MXRA5: variants seen among roughly 807,000 people sequenced by gnomAD.
MXRA5 encodes matrix-remodeling-associated protein 5.
In MXRA5, 41 loss-of-function variants were observed where a neutral mutation model predicts 112.5. The ratio of observed to expected loss-of-function variants is 0.36; its 90% CI spans 0.28 to 0.47. MXRA5 has a LOEUF of 0.47. Ranked by LOEUF, MXRA5 falls within the 20% of genes least tolerant of loss-of-function variation. MXRA5 has a pLI of 0.99. For synonymous variants in MXRA5, 862 were observed against 900.8 expected (o/e 0.96, Z 0.77); for missense variants, 2,150 against 2,251.0 (o/e 0.96, Z 0.91).
Position 3,310,107 on chromosome X carries a change from C to T in MXRA5, c.8096G>A (p.Arg2699His), listed in dbSNP as rs1304167780. The T allele has an allele frequency of 2.7e-5, 33 of 1,209,543 alleles. No homozygotes were observed. The highest frequency in any genetic ancestry group is 3.5e-5 in the African/African-American group (2 of 57,032). Reference sequence around the variant, plus strand: ...ACCCCTGTCAAACACCGAGGCCTCACGAACCGTGAGGGTGCCATTGTCCAG... The same window carrying T: ...ACCCCTGTCAAACACCGAGGCCTCATGAACCGTGAGGGTGCCATTGTCCAG... ...SLLDNGTLTVREASVFDRGTY... is the reference protein window; with the variant it reads ...SLLDNGTLTVHEASVFDRGTY... The change falls in exon 7 of 7, where the codon CGT (arginine) becomes CAT (histidine). Residue 2699 changes from arginine (R) to histidine (H), a missense_variant. Physicochemically the swap from Arg to His is conservative, Grantham distance 29. Transcript: ENST00000217939.
chrX:3,336,653 T>C (rs1264847904), intron 2 of MXRA5, among the ~76,000 whole-genome samples: 3 of 112,182 alleles, frequency 2.7e-5, no homozygotes, highest in African/African-American at 9.7e-5. Context: ...ATGTACTAAA[T>C]GGCACTGAAT....
At position 3,321,402 on chromosome X, in the gene MXRA5, A is replaced by C. The variant is rs1487717782; in HGVS notation, c.4283T>G (p.Val1428Gly). Reference sequence around the variant, plus strand: ...TTCTTCCTGGTGAAATGGTGTGGAGACTGTCAAAGAGGACAAAAACTCGGA... The same window carrying C: ...TTCTTCCTGGTGAAATGGTGTGGAGCCTGTCAAAGAGGACAAAAACTCGGA... ...FTSEFLSSLT[V>G]STPFHQEEAG... The change falls in exon 5 of 7, where the codon GTC (valine) becomes GGC (glycine). Residue 1428 changes from valine (V) to glycine (G), a missense_variant. Physicochemically the swap from Val to Gly is moderately radical, Grantham distance 109 (BLOSUM62 -3). Transcript: ENST00000217939. 1 of 1,211,629 alleles carries C rather than the reference A, an allele frequency of 8.3e-7. No homozygotes were observed. Among genetic ancestry groups the C allele is most frequent in the Non-Finnish European group, 1.1e-6 (1 of 895,469 alleles).
chrX:3,321,155 C>A lies in MXRA5; in HGVS notation c.4530G>T (p.Lys1510Asn), dbSNP rs192359166. ...ATATTCTTGGACTGGGAAGTGCTGG[C>A]TTAGTGGTGGTGGTTTGTCCCAAAG... The part of the protein sequence containing the change: ...LMSLGQTTTT[K>N]PALPSPRISQ... The change falls in exon 5 of 7, where the codon AAG (lysine) becomes AAT (asparagine). Residue 1510 changes from lysine (K) to asparagine (N), a missense_variant. Physicochemically the swap from Lys to Asn is moderately conservative, Grantham distance 94 (BLOSUM62 0). Coordinates refer to ENST00000217939, the MANE Select transcript of MXRA5 (RefSeq NM_015419.4). The A allele has an allele frequency of 8.3e-7, 1 of 1,210,052 alleles. No homozygotes were observed. Among genetic ancestry groups the A allele is most frequent in the African/African-American group, 1.7e-5 (1 of 57,208 alleles).
chrX:3,332,954 T>C (rs1018758359), intron 2 of MXRA5, among the ~76,000 whole-genome samples: 3 of 110,990 alleles, frequency 2.7e-5, no homozygotes, highest in Non-Finnish European at 3.8e-5. Context: ...TTTTGCCCTT[T>C]ATCACCTAAA....
At chrX:3,339,245 T>TTTGTTG (rs370882813) in intron 2 of MXRA5, among the ~76,000 whole-genome samples, 2 of 109,414 alleles carry the variant, frequency 1.8e-5, no homozygotes, top group African/African-American at 6.7e-5. Flanking sequence ...CCCTGCTTGT[T>TTTGTTG]TTGTTGTTGT....
intron 5 of MXRA5, among the ~76,000 whole-genome samples, chrX:3,318,851 T>C (rs1921220571): frequency 1.3e-5 from 1 of 79,001 alleles, no homozygotes; most frequent in Admixed American, 1.5e-4. Context: ...TGCCATTCTG[T>C]CTTTTCTTTT....
intron 4 of MXRA5, among the ~76,000 whole-genome samples, chrX:3,329,807 T>A (rs1169744365): frequency 1.8e-5 from 2 of 112,004 alleles, no homozygotes. Flanking sequence ...CACTAAGGGA[T>A]AACTGCCTTT....
At position 3,317,842 on chromosome X, in the gene MXRA5, C is replaced by T. The variant is rs1885356228; in HGVS notation, c.5839G>A (p.Val1947Met). 2 of 1,211,252 alleles carry T rather than the reference C, an allele frequency of 1.7e-6. No individual in the cohort carries two copies. The highest frequency in any genetic ancestry group is 1.8e-5 in the South Asian group (1 of 56,933). The change falls in exon 6 of 7, where the codon GTG (valine) becomes ATG (methionine). Residue 1947 changes from valine (V) to methionine (M), a missense_variant. By Grantham distance (21) the Val-to-Met change is conservative (BLOSUM62 1). This residue lies in a region of MXRA5 where 1,485 missense variants were observed against 1,471.6 expected (regional missense o/e 1.01). Coordinates refer to ENST00000217939, the MANE Select transcript of MXRA5 (RefSeq NM_015419.4). ...GAGGCTAGGATTTGAGGTTGCTGCA[C>T]GGTGACCGAAAGCAAGACCACCATC... is the stretch of plus-strand genomic sequence containing the variant. The part of the protein sequence containing the change: ...DRMVVLLSVT[V>M]QQPQILASHY...
intron 4 of MXRA5, among the ~76,000 whole-genome samples, chrX:3,329,316 AAAAG>A (rs1921596341): frequency 1.6e-5 from 1 of 63,164 alleles, no homozygotes. Flanking sequence ...AAGGAAGGAA[AAAAG>A]AAGGAAGGAA....
At position 3,323,450 on chromosome X, in the gene MXRA5, T is replaced by C. The variant is rs764366585; in HGVS notation, c.2235A>G (p.Lys745=). The C allele has an allele frequency of 1.7e-6, 2 of 1,211,652 alleles. No homozygotes were observed. Among genetic ancestry groups the C allele is most frequent in the Admixed American group, 4.3e-5 (2 of 46,008 alleles). Residue 745 remains lysine (K), a synonymous_variant, in exon 5 of 7, where the codon AAA becomes AAG. Transcript: ENST00000217939. ...KKAKKGRRKL[K]LWKHSEKEPE... ...GTTCTTTTTCCGAATGCTTCCAGAGTTTCAGCTTTCTTCTCCCTTTCTTGG... is the reference window on the plus strand; with the variant it reads ...GTTCTTTTTCCGAATGCTTCCAGAGCTTCAGCTTTCTTCTCCCTTTCTTGG...
At position 3,320,909 on chromosome X, in the gene MXRA5, G is replaced by T. The variant is rs201279825; in HGVS notation, c.4776C>A (p.Ser1592Arg). ...GSRSLPRGPD[S>R]QRQDGRVHAS... ...CATGAACTCTTCCATCCTGGCGTTGGCTATCTGGGCCACGTGGTAGACTCC... is the reference window on the plus strand; with the variant it reads ...CATGAACTCTTCCATCCTGGCGTTGTCTATCTGGGCCACGTGGTAGACTCC... Residue 1592 changes from serine to arginine, a missense_variant, in exon 5 of 7, where the codon AGC becomes AGA. Ser to Arg is a moderately radical substitution (Grantham distance 110). This residue lies in a region of MXRA5 where 1,485 missense variants were observed against 1,471.6 expected (regional missense o/e 1.01). Transcript: ENST00000217939. 2.5e-6 allele frequency: 3 copies of T among 1,211,783 alleles called. No homozygotes were observed. Among genetic ancestry groups the T allele is most frequent in the Non-Finnish European group, 3.3e-6 (3 of 895,551 alleles).
rs200995587 is a variant in MXRA5 at position 3,320,180 on chromosome X, C to A, written c.5505G>T (p.Lys1835Asn). The A allele has an allele frequency of 6.9e-5, 84 of 1,208,928 alleles. No individual in the cohort carries two copies. Among genetic ancestry groups the A allele is most frequent in the Non-Finnish European group, 7.6e-5 (68 of 895,125 alleles). ...ATGCAGGAGGTCCTCCTGCAAAGAA[C>A]TTTGAGCTGCTCTGGTGGAAGCTTC... ...SSGSFHQSSS[K>N]FFAGGPPASK... Residue 1835 changes from lysine to asparagine, a missense_variant, in exon 5 of 7, where the codon AAG becomes AAT. Around this residue, in one of 6 missense-constraint regions of MXRA5, gnomAD observed 1,485 missense variants for 1,471.6 expected, o/e 1.01. Coordinates refer to ENST00000217939, the MANE Select transcript of MXRA5 (RefSeq NM_015419.4).
At chrX:3,316,306 T>A (rs1921129023) in intron 6 of MXRA5, among the ~76,000 whole-genome samples, 2 of 63,982 alleles carry the variant, frequency 3.1e-5, no homozygotes, top group South Asian at 8.7e-4. Context: ...AGAGCGAGAT[T>A]CCGTCTCAAA....
rs1186665012 is a variant in MXRA5 at position 3,346,635 on chromosome X, GCAGCTCGGCTTCC to G, written c.-162_-150del. 1.5e-6 allele frequency: 1 copy of G among 669,542 alleles called. No homozygotes were observed. The highest frequency in any genetic ancestry group is 8.6e-5 in the Admixed American group (1 of 11,579). The allele number at this position is 669,542 out of a possible 1,213,427, so 55.2% of individuals were successfully genotyped here. A position where few individuals can be genotyped will look rare whatever the true frequency, so the allele number is the denominator to read the frequency against. On this transcript the variant is annotated 5_prime_UTR_variant, in exon 1 of 7. Coordinates refer to ENST00000217939, the MANE Select transcript of MXRA5 (RefSeq NM_015419.4). ...TGCCCTTCCCGGGGCCGGGGGTGAG[GCAGCTCGGCTTCC>G]CAGCGCGGCACAGCAAGCCGGCGCC...
rs201954783 is a variant in MXRA5, at chrX:3,320,922, C to T, written c.4763G>A (p.Arg1588His). 61 of 1,209,964 alleles carry T rather than the reference C, an allele frequency of 5.0e-5. No homozygotes were observed. The highest frequency in any genetic ancestry group is 2.3e-4 in the Middle Eastern group (1 of 4,369). The change falls in exon 5 of 7, where the codon CGT (arginine) becomes CAT (histidine). Residue 1588 changes from arginine to histidine, a missense_variant. By Grantham distance (29) the Arg-to-His change is conservative (BLOSUM62 0). Coordinates refer to ENST00000217939, the MANE Select transcript of MXRA5 (RefSeq NM_015419.4). ...ATCCTGGCGTTGGCTATCTGGGCCA[C>T]GTGGTAGACTCCTACTACCAAATAC... ...KQVFGSRSLPRGPDSQRQDGR... is the reference protein window; with the variant it reads ...KQVFGSRSLPHGPDSQRQDGR...
chrX:3,328,942 G>A (rs1462031981), intron 4 of MXRA5, among the ~76,000 whole-genome samples: 4 of 100,108 alleles, frequency 4.0e-5, no homozygotes, highest in Non-Finnish European at 8.2e-5. Context: ...AGGAAGGAGC[G>A]AGGGAGGGAA....
intron 1 of MXRA5, among the ~76,000 whole-genome samples, chrX:3,345,906 C>T (rs1338953604): frequency 8.9e-6 from 1 of 112,986 alleles, no homozygotes; most frequent in Non-Finnish European, 1.9e-5. Context: ...CACCAAACCC[C>T]TTTTGTCTGC....
chrX:3,344,248 CCAA>C (rs757388931), intron 1 of MXRA5, among the ~76,000 whole-genome samples: 15 of 111,207 alleles, frequency 1.3e-4, no homozygotes, highest in African/African-American at 3.3e-4. Context: ...GTTTCTGCCT[CCAA>C]CAAGACTGAG....
intron 2 of MXRA5, among the ~76,000 whole-genome samples, chrX:3,341,389 AAT>A (rs1224243073): frequency 8.3e-5 from 2 of 24,041 alleles, no homozygotes; most frequent in African/African-American, 3.3e-4. Context: ...TATTATATAT[AAT>A]ATATATAATA....
Sources: allele counts gnomAD v4.1 joint callset (sites outside exome capture counted in the v4.1 genomes callset), GRCh38; gene constraint gnomAD v4.1.1; regional missense constraint gnomAD v4.1.1; transcripts MANE v1.5; gene names NCBI Gene and HGNC (gene_info 2026-07-23, HGNC 2026-07-21).